Variants in VWA3B observed in about 807,000 individuals in gnomAD.
VWA3B encodes von Willebrand factor A domain containing 3B.
A neutral mutation model predicts 158.3 loss-of-function variants in VWA3B; 138 were observed. The ratio of observed to expected loss-of-function variants is 0.87; its 90% CI spans 0.76 to 1.00. VWA3B has a LOEUF of 1.00. Ranked by LOEUF, VWA3B falls within the 50% of genes least tolerant of loss-of-function variation. The pLI, the probability that VWA3B is intolerant of heterozygous loss-of-function variation, is 0.00. For missense variants in VWA3B, 1,555 were observed against 1,565.1 expected (o/e 0.99, Z 0.11); for synonymous variants, 596 against 587.3 (o/e 1.01, Z -0.21).
At chr2:98,170,443 A>G (rs748958545) in intron 8 of VWA3B, among the ~76,000 whole-genome samples, 3 of 152,204 alleles carry the variant, frequency 2.0e-5, no homozygotes, top group Non-Finnish European at 4.4e-5. Flanking sequence ...CAGGCTCTGC[A>G]GGCAGTTGCA....
At chr2:98,288,572 C>T (rs1225794548) in intron 22 of VWA3B, among the ~76,000 whole-genome samples, 2 of 152,160 alleles carry the variant, frequency 1.3e-5, no homozygotes, top group Non-Finnish European at 2.9e-5. Flanking sequence ...CCTCTCTTTC[C>T]TCTGTGAGAT....
Position 98,152,322 on chromosome 2 carries a change from C to T in VWA3B, c.989-10529C>T, listed in dbSNP as rs112574315. Among the ~76,000 whole-genome samples, 884 of 152,314 alleles carry T rather than the reference C, an allele frequency of 5.8e-3. 7 individuals are homozygous for T. Among genetic ancestry groups the T allele is most frequent in the Non-Finnish European group, 9.3e-3 (635 of 68,026 alleles). ...CATGGTAATTTTCAATTCTCAGAAG[C>T]TTTCATGGAGGCATGGATTGTCCCA... On this transcript the variant is annotated intron_variant, in intron 7 of 27. Transcript: ENST00000477737.
Position 98,311,977 on chromosome 2 carries a change from C to A in VWA3B, c.3680C>A (p.Ser1227Tyr), listed in dbSNP as rs747436494. ...QQAAPSDSDG[S>Y]SHGISSHGSC... ...GCGGCGCCCTCGGACTCGGACGGCTCCTCCCACGGCATCAGCTCCCATGGG... is the reference window on the plus strand; with the variant it reads ...GCGGCGCCCTCGGACTCGGACGGCTACTCCCACGGCATCAGCTCCCATGGG... Residue 1227 changes from serine to tyrosine, a missense_variant, in exon 27 of 28, where the codon TCC becomes TAC. Coordinates refer to ENST00000477737, the MANE Select transcript of VWA3B (RefSeq NM_144992.5). 6.2e-7 allele frequency: 1 copy of A among 1,604,448 alleles called. No homozygotes were observed.
chr2:98,128,058 A>G, intron 5 of VWA3B, 181 bp from the exon 6 acceptor site: 1 of 655,936 alleles, frequency 1.5e-6, no homozygotes, highest in South Asian at 2.3e-5. Context: ...TCCTGGTACC[A>G]AGCCTTGAAT....
chr2:98,195,369 A>C (rs983059690), intron 12 of VWA3B, among the ~76,000 whole-genome samples: 1 of 152,254 alleles, frequency 6.6e-6, no homozygotes, highest in Non-Finnish European at 1.5e-5. Flanking sequence ...AGAAAGTCAC[A>C]AATAGACATT....
rs1164120926 is a variant in VWA3B at position 98,312,892 on chromosome 2, C to G, written c.*543C>G. ...TGTCTATAGTCTGTTGTAGGTAACT[C>G]TAATTGAGCCCGAAACCAGAATAAA... is the stretch of plus-strand genomic sequence containing the variant. On this transcript the variant is annotated 3_prime_UTR_variant, in exon 28 of 28. Transcript: ENST00000477737. 1 of 152,322 alleles carries G rather than the reference C, an allele frequency of 6.6e-6. No individual in the cohort carries two copies. The highest frequency in any genetic ancestry group is 1.5e-5 in the Non-Finnish European group (1 of 68,152). The allele number at this position is 152,322 out of a possible 1,614,324, so 9.4% of individuals were successfully genotyped here.
At chr2:98,211,845 C>T in intron 12 of VWA3B, 85 bp from the exon 13 acceptor site, 1 of 1,217,034 alleles carries the variant, frequency 8.2e-7, no homozygotes, top group Non-Finnish European at 1.2e-6. Flanking sequence ...ACTTTTTCTT[C>T]TTTTTTGGAA....
At chr2:98,249,210 C>T (rs367725505) in intron 19 of VWA3B, among the ~76,000 whole-genome samples, 8 of 151,958 alleles carry the variant, frequency 5.3e-5, no homozygotes, top group Admixed American at 1.3e-4. Flanking sequence ...TGGGAACATG[C>T]GTTTATTCCT....
At chr2:98,169,992 G>A (rs960866681) in intron 8 of VWA3B, among the ~76,000 whole-genome samples, 8 of 152,106 alleles carry the variant, frequency 5.3e-5, no homozygotes, top group South Asian at 2.1e-4. Context: ...ATGATGGTGC[G>A]CACCTGTAGT....
intron 17 of VWA3B, among the ~76,000 whole-genome samples, chr2:98,235,796 G>T (rs533540876): frequency 6.6e-6 from 1 of 152,116 alleles, no homozygotes; most frequent in Non-Finnish European, 1.5e-5. Context: ...TGATGATTGG[G>T]ATATGATTTC....
chr2:98,245,400 C>T (rs1002895357), intron 19 of VWA3B: 3 of 372,786 alleles, frequency 8.0e-6, no homozygotes, highest in African/African-American at 4.2e-5. Context: ...ATAAAGAAAA[C>T]ATTTCCTGTG....
chr2:98,312,583 C>T lies in VWA3B; in HGVS notation c.*234C>T. 3 of 495,062 alleles carry T rather than the reference C, an allele frequency of 6.1e-6. No individual in the cohort carries two copies. Among genetic ancestry groups the T allele is most frequent in the Non-Finnish European group, 3.5e-6 (1 of 287,100 alleles). 30.7% of individuals were successfully genotyped at this position (495,062 alleles called of 1,614,324 possible). On this transcript the variant is annotated 3_prime_UTR_variant, in exon 28 of 28. Transcript: ENST00000477737. ...TGTTCTTTATCCTGTTTTCCCCCTG[C>T]ACTCACAAAATTGTATTCCATCTTC...
chr2:98,181,344 A>G (rs1438994066), intron 9 of VWA3B, 132 bp downstream of exon 9: 8 of 972,988 alleles, frequency 8.2e-6, no homozygotes, highest in Non-Finnish European at 1.2e-5. Flanking sequence ...TGTGAAGAAC[A>G]GGGTTCCTCT....
In VWA3B at chr2:98,181,208, G is replaced by A; in HGVS notation, c.1307G>A (p.Ser436Asn). 6.2e-7 allele frequency: 1 copy of A among 1,613,542 alleles called. No individual in the cohort carries two copies. The highest frequency in any genetic ancestry group is 8.5e-7 in the Non-Finnish European group (1 of 1,179,612). The change falls in exon 9 of 28, where the codon AGT becomes AAT. Residue 436 changes from serine (S) to asparagine (N), a missense_variant. Coordinates refer to ENST00000477737, the MANE Select transcript of VWA3B (RefSeq NM_144992.5). Reference sequence around the variant, plus strand: ...CCGGAGAATGAGTCCGTGCAGACCAGTGCGGTAGGTGAAGTGCACTCCTGG... The same window carrying A: ...CCGGAGAATGAGTCCGTGCAGACCAATGCGGTAGGTGAAGTGCACTCCTGG... ...AKPENESVQT[S>N]AETNKKTVHA...
At chr2:98,137,438 A>T (rs1430390565) in intron 7 of VWA3B, among the ~76,000 whole-genome samples, 2 of 152,228 alleles carry the variant, frequency 1.3e-5, no homozygotes, top group Non-Finnish European at 2.9e-5. Flanking sequence ...ATTTTGACAT[A>T]ATATTTTAAA....
intron 23 of VWA3B, among the ~76,000 whole-genome samples, chr2:98,295,136 C>A (rs906377026): frequency 6.6e-6 from 1 of 152,012 alleles, no homozygotes; most frequent in Non-Finnish European, 1.5e-5. Flanking sequence ...AGGAAACCTC[C>A]GAGACTGGAG....
chr2:98,092,002 T>C (rs1378015016), intron 1 of VWA3B, among the ~76,000 whole-genome samples: 2 of 152,230 alleles, frequency 1.3e-5, no homozygotes, highest in African/African-American at 2.4e-5. Context: ...AAGTTTAATA[T>C]GTTGCATATG....
intron 16 of VWA3B, 68 bp downstream of exon 16, chr2:98,230,275 T>G (rs1262213751): frequency 7.2e-7 from 1 of 1,382,784 alleles, no homozygotes; most frequent in Non-Finnish European, 9.5e-7. Flanking sequence ...AGAATAAAAC[T>G]AAACCCACAT....
chr2:98,151,143 GTC>G (rs368797442), intron 7 of VWA3B, among the ~76,000 whole-genome samples: 53 of 150,288 alleles, frequency 3.5e-4, no homozygotes, highest in African/African-American at 1.2e-3. Flanking sequence ...TTGAGATGGA[GTC>G]TCTGTTGCCC....
Sources: gnomAD v4.1 joint callset for allele counts (sites outside exome capture counted in the v4.1 genomes callset) on GRCh38, gnomAD v4.1.1 for gene constraint, MANE v1.5 for transcripts, NCBI Gene and HGNC (gene_info 2026-07-23, HGNC 2026-07-21) for gene names.